The following ACAP2 variants were observed in gnomAD, a reference collection of about 807,000 sequenced individuals.
The protein encoded by ACAP2 is arf-GAP with coiled-coil, ANK repeat and PH domain-containing protein 2.
Under a neutral mutation model 115.8 loss-of-function variants are expected in ACAP2, and 39 were observed. The ratio of observed to expected loss-of-function variants is 0.34; its 90% CI spans 0.26 to 0.44. The LOEUF (loss-of-function observed/expected upper bound fraction) is 0.44. Ranked by LOEUF, ACAP2 falls within the 20% of genes least tolerant of loss-of-function variation. ACAP2 has a pLI of 1.00. For missense variants in ACAP2, 662 were observed against 927.6 expected (o/e 0.71, Z 3.72); for synonymous variants, 289 against 315.8 (o/e 0.92, Z 0.90).
intron 4 of ACAP2, among the ~76,000 whole-genome samples, chr3:195,375,446 C>T (rs1733459143): frequency 6.7e-6 from 1 of 149,306 alleles, no homozygotes; most frequent in Admixed American, 6.7e-5. Context: ...CCTGTTCTCA[C>T]TGCCTAAAAC....
At chr3:195,302,197 G>T in intron 13 of ACAP2, 23 bp from the exon 14 acceptor site, 6 of 1,548,476 alleles carry the variant, frequency 3.9e-6, no homozygotes, top group Non-Finnish European at 4.4e-6. Context: ...AGAATTACTT[G>T]TTTTTAAAAA....
chr3:195,435,243 T>G (rs1181963527), intron 1 of ACAP2, among the ~76,000 whole-genome samples: 1 of 151,638 alleles, frequency 6.6e-6, no homozygotes, highest in Non-Finnish European at 1.5e-5. Flanking sequence ...GGCGTACTCT[T>G]GGCTCACTGC....
At chr3:195,288,236 A>G (rs901988923) in intron 21 of ACAP2, among the ~76,000 whole-genome samples, 2 of 152,216 alleles carry the variant, frequency 1.3e-5, no homozygotes, top group African/African-American at 4.8e-5. Flanking sequence ...TCCCAACTCC[A>G]TCACTTACTA....
At position 195,291,890 on chromosome 3, in the gene ACAP2, A is replaced by G. The variant is rs193176635; in HGVS notation, c.1954-75T>C. The G allele has an allele frequency of 4.3e-5, 57 of 1,325,872 alleles. No individual in the cohort carries two copies. The East Asian group carries it at 1.4e-3, about 33-fold the overall frequency. 82.1% of individuals were successfully genotyped at this position (1,325,872 alleles called of 1,614,324 possible). ...CAACAATACATTTCTTTTTAAAAACAATTGGTTTTCGTTACTCAAATAGCA... is the reference window on the plus strand; with the variant it reads ...CAACAATACATTTCTTTTTAAAAACGATTGGTTTTCGTTACTCAAATAGCA... On this transcript the variant is annotated intron_variant, in intron 19 of 22. Coordinates refer to ENST00000326793, the MANE Select transcript of ACAP2 (RefSeq NM_012287.6).
intron 1 of ACAP2, among the ~76,000 whole-genome samples, chr3:195,405,186 A>G (rs2108799451): frequency 6.6e-6 from 1 of 152,338 alleles, no homozygotes; most frequent in Non-Finnish European, 1.5e-5. Flanking sequence ...GTACGGACAG[A>G]TCGAGATCTG....
At chr3:195,434,611 C>T (rs1005304941) in intron 1 of ACAP2, among the ~76,000 whole-genome samples, 4 of 152,078 alleles carry the variant, frequency 2.6e-5, no homozygotes, top group African/African-American at 7.2e-5. Context: ...TTAGGAATCT[C>T]GATGCTTTGA....
At chr3:195,353,387 G>A (rs966835271) in intron 4 of ACAP2, among the ~76,000 whole-genome samples, 1 of 152,172 alleles carries the variant, frequency 6.6e-6, no homozygotes, top group Non-Finnish European at 1.5e-5. Context: ...CCATCCACAG[G>A]TAGATGGATT....
At chr3:195,418,047 C>T (rs1713885683) in intron 1 of ACAP2, among the ~76,000 whole-genome samples, 1 of 152,132 alleles carries the variant, frequency 6.6e-6, no homozygotes, top group Non-Finnish European at 1.5e-5. Flanking sequence ...ATGATCTGAC[C>T]CTTATTTAAA....
rs189445378 is a variant in ACAP2, at chr3:195,414,230, C to A, written c.54-22083G>T. On this transcript the variant is annotated intron_variant, in intron 1 of 22. Transcript: ENST00000326793. ...CTGATGGGAAAGAAAAATTGCACAG[C>A]CATTTTGGAAGACAGTTAAGCAGTT... Among the ~76,000 whole-genome samples, 3 of 152,178 alleles carry A rather than the reference C, an allele frequency of 2.0e-5. No homozygotes were observed. In the East Asian group the frequency reaches 5.8e-4, roughly 29 times the overall value.
At chr3:195,398,404 G>A (rs546719645) in intron 1 of ACAP2, among the ~76,000 whole-genome samples, 18 of 152,206 alleles carry the variant, frequency 1.2e-4, no homozygotes, top group African/African-American at 4.3e-4. Context: ...CAGCACTTTG[G>A]GAGGCCAAGG....
intron 4 of ACAP2, 47 bp downstream of exon 4, chr3:195,380,962 C>T (rs187465563): frequency 1.3e-6 from 2 of 1,498,726 alleles, no homozygotes; most frequent in Non-Finnish European, 1.8e-6. Context: ...AAGAAAAATA[C>T]TAAAATGTTA....
intron 4 of ACAP2, among the ~76,000 whole-genome samples, chr3:195,368,609 CGTT>C (rs1271516134): frequency 6.6e-6 from 1 of 152,204 alleles, no homozygotes; most frequent in Middle Eastern, 3.4e-3. Flanking sequence ...AATTACATAT[CGTT>C]GTTTCCATAG....
chr3:195,304,709 A>G (rs1728310257), intron 13 of ACAP2, among the ~76,000 whole-genome samples: 1 of 152,204 alleles, frequency 6.6e-6, no homozygotes, highest in South Asian at 2.1e-4. Context: ...CCTCATAGCT[A>G]TGCAGGAGAT....
intron 22 of ACAP2, among the ~76,000 whole-genome samples, chr3:195,280,552 T>A (rs1205654827): frequency 6.6e-6 from 1 of 152,152 alleles, no homozygotes; most frequent in African/African-American, 2.4e-5. Flanking sequence ...TTACTGCAGG[T>A]CATATGAGCA....
Position 195,433,414 on chromosome 3 carries a change from A to G in ACAP2, c.53+9381T>C, listed in dbSNP as rs914305110. ...TATTATCTAAAAATATAGTTTTACTATTTCTTTTCCTATATGGATGCCTTT... is the reference window on the plus strand; with the variant it reads ...TATTATCTAAAAATATAGTTTTACTGTTTCTTTTCCTATATGGATGCCTTT... On this transcript the variant is annotated intron_variant, in intron 1 of 22. Coordinates refer to ENST00000326793, the MANE Select transcript of ACAP2 (RefSeq NM_012287.6). 2.0e-5 allele frequency among the ~76,000 whole-genome samples: 3 copies of G among 152,176 alleles called. No individual in the cohort carries two copies. The South Asian group carries it at 6.2e-4, about 31-fold the overall frequency.
chr3:195,316,950 T>G (rs576205484), intron 10 of ACAP2, among the ~76,000 whole-genome samples: 1 of 124,972 alleles, frequency 8.0e-6, no homozygotes, highest in Non-Finnish European at 1.6e-5. Context: ...CAGGCTGGAG[T>G]GCAGTGGTGC....
intron 22 of ACAP2, among the ~76,000 whole-genome samples, chr3:195,284,279 T>TTAAAG (rs1448590741): frequency 3.9e-5 from 6 of 152,258 alleles, no homozygotes; most frequent in Non-Finnish European, 8.8e-5. Context: ...AATTTTTATT[T>TTAAAG]TAAAGTGCTT....
At chr3:195,353,928 T>TTCA (rs1226607961) in intron 4 of ACAP2, among the ~76,000 whole-genome samples, 4 of 152,142 alleles carry the variant, frequency 2.6e-5, no homozygotes, top group Non-Finnish European at 4.4e-5. Context: ...TACAGATTAT[T>TTCA]TCATCACCCA....
intron 4 of ACAP2, chr3:195,356,283 T>C (rs923001455): frequency 3.0e-5 from 13 of 438,640 alleles, no homozygotes; most frequent in African/African-American, 2.0e-4. Flanking sequence ...ATGGAGCATT[T>C]AGACCAGCCC....
Sources: gnomAD v4.1 joint callset for allele counts (sites outside exome capture counted in the v4.1 genomes callset) on GRCh38, gnomAD v4.1.1 for gene constraint, MANE v1.5 for transcripts, NCBI Gene and HGNC (gene_info 2026-07-23, HGNC 2026-07-21) for gene names.